Variants in SPIDR observed in about 807,000 individuals in gnomAD.
The protein encoded by SPIDR is DNA repair-scaffolding protein.
A neutral mutation model predicts 104.6 loss-of-function variants in SPIDR; 93 were observed. The ratio of observed to expected loss-of-function variants is 0.89; its 90% CI spans 0.75 to 1.06. The LOEUF is 1.06. Ranked by LOEUF, SPIDR falls within the 50% of genes least tolerant of loss-of-function variation. The pLI is 0.00. For missense variants in SPIDR, 1,154 were observed against 1,111.2 expected (o/e 1.04, Z -0.55); for synonymous variants, 431 against 416.9 (o/e 1.03, Z -0.41).
chr8:47,716,052 C>T (rs2082544601), intron 16 of SPIDR, among the ~76,000 whole-genome samples: 1 of 150,480 alleles, frequency 6.6e-6, no homozygotes, highest in Non-Finnish European at 1.5e-5. Context: ...GCAACCTCTG[C>T]CTACTGGGTT....
intron 16 of SPIDR, among the ~76,000 whole-genome samples, chr8:47,718,027 C>G (rs1563651286): frequency 2.6e-5 from 4 of 152,204 alleles, no homozygotes; most frequent in South Asian, 4.1e-4. Context: ...TGCACAGGTC[C>G]AAGCCCAGTG....
intron 8 of SPIDR, among the ~76,000 whole-genome samples, chr8:47,532,087 A>C (rs1465858495): frequency 1.2e-5 from 1 of 83,352 alleles, no homozygotes; most frequent in Admixed American, 1.5e-4. Context: ...TTTTTTTTTG[A>C]GACAGTGTTT....
At chr8:47,361,861 C>T (rs1554630311) in intron 5 of SPIDR, among the ~76,000 whole-genome samples, 1 of 152,156 alleles carries the variant, frequency 6.6e-6, no homozygotes, top group African/African-American at 2.4e-5. Flanking sequence ...AGAGAACAGG[C>T]CCTTCATGAT....
At chr8:47,670,122 T>A (rs1297876246) in intron 10 of SPIDR, among the ~76,000 whole-genome samples, 2 of 152,126 alleles carry the variant, frequency 1.3e-5, no homozygotes, top group African/African-American at 4.8e-5. Flanking sequence ...GGTTGTTCTC[T>A]AACAGAAGAG....
chr8:47,379,435 C>G (rs558474185), intron 5 of SPIDR, among the ~76,000 whole-genome samples: 2 of 152,142 alleles, frequency 1.3e-5, no homozygotes, highest in Middle Eastern at 3.4e-3. Flanking sequence ...TCCAGCTACT[C>G]GGGAGGCTGT....
chr8:47,308,951 C>T lies in SPIDR; in HGVS notation c.525+14921C>T, dbSNP rs984195083. Among the ~76,000 whole-genome samples, 29 of 152,326 alleles carry T rather than the reference C, an allele frequency of 1.9e-4. No individual in the cohort carries two copies. In the South Asian group the frequency reaches 2.5e-3, roughly 13 times the overall value. On this transcript the variant is annotated intron_variant, in intron 5 of 19. Transcript: ENST00000297423. ...ATTCAGGCCTTCCCCTGGACATTAA[C>T]AAGCCTTCAGTAGATTCCAGAGTTT...
rs2083392662 is a variant in SPIDR at position 47,721,527 on chromosome 8, AG to A, written c.2342-5672del. On this transcript the variant is annotated intron_variant, in intron 16 of 19. Transcript: ENST00000297423. ...TGCTCAGTTACCCAGGCTGGAGTGC[AG>A]TGGCACGATCTTGGCTCACTGCAAG... is the stretch of plus-strand genomic sequence containing the variant. Among the ~76,000 whole-genome samples the A allele has an allele frequency of 3.3e-5, 5 of 151,766 alleles. No homozygotes were observed. In the South Asian group the frequency reaches 1.0e-3, roughly 32 times the overall value.
rs189676551 is a variant in SPIDR at position 47,486,819 on chromosome 8, C to G, written c.1097+46277C>G. 9.2e-3 allele frequency among the ~76,000 whole-genome samples: 1,402 copies of G among 152,248 alleles called. 24 individuals carry two copies. Among genetic ancestry groups the G allele is most frequent in the African/African-American group, 0.031 (1,295 of 41,546 alleles). ...AAATGCTGAGAGATTTTGTCACCAC[C>G]AGGCCTGCCCTAAAAGAGCTCCTGA... On this transcript the variant is annotated intron_variant, in intron 8 of 19. Transcript: ENST00000297423.
At chr8:47,570,079 C>A (rs1371551996) in intron 8 of SPIDR, among the ~76,000 whole-genome samples, 1 of 152,100 alleles carries the variant, frequency 6.6e-6, no homozygotes, top group Non-Finnish European at 1.5e-5. Context: ...ACAAGATGAT[C>A]ATGGGAATTC....
chr8:47,613,995 A>G (rs1414189429), intron 10 of SPIDR, among the ~76,000 whole-genome samples: 2 of 151,982 alleles, frequency 1.3e-5, no homozygotes, highest in Admixed American at 6.6e-5. Context: ...TGCATTAGCT[A>G]TTTATCCTGA....
chr8:47,671,509 C>T (rs542696143), intron 10 of SPIDR, among the ~76,000 whole-genome samples: 33 of 151,758 alleles, frequency 2.2e-4, no homozygotes, highest in African/African-American at 7.0e-4. Context: ...CACTTGAACA[C>T]GGGAGATGGA....
chr8:47,633,220 C>G (rs1245138068), intron 10 of SPIDR, among the ~76,000 whole-genome samples: 2 of 152,134 alleles, frequency 1.3e-5, no homozygotes, highest in Admixed American at 1.3e-4. Flanking sequence ...TGTCTGTAAT[C>G]AGGAGTTAGG....
Position 47,304,857 on chromosome 8 carries a change from G to C in SPIDR, c.525+10827G>C, listed in dbSNP as rs1274943165. On this transcript the variant is annotated intron_variant, in intron 5 of 19. Coordinates refer to ENST00000297423, the MANE Select transcript of SPIDR (RefSeq NM_001080394.4). ...TTCCTGTATTAGGATTAGGCCATGA[G>C]GGCCTTGCCCTCATGAATAGATTAA... Among the ~76,000 whole-genome samples, 3 of 152,336 alleles carry C rather than the reference G, an allele frequency of 2.0e-5. No homozygotes were observed. The South Asian group carries it at 6.2e-4, about 32-fold the overall frequency.
At chr8:47,293,207 G>T (rs2040248408) in intron 4 of SPIDR, among the ~76,000 whole-genome samples, 1 of 151,486 alleles carries the variant, frequency 6.6e-6, no homozygotes, top group South Asian at 2.1e-4. Flanking sequence ...GCTCACCGCA[G>T]TTTCAAACTC....
chr8:47,513,816 T>C (rs1407276024), intron 8 of SPIDR, among the ~76,000 whole-genome samples: 2 of 152,222 alleles, frequency 1.3e-5, no homozygotes, highest in East Asian at 3.8e-4. Context: ...AGCTTTAAAA[T>C]GGCTACAAGT....
At chr8:47,304,066 C>A (rs2042714596) in intron 5 of SPIDR, among the ~76,000 whole-genome samples, 1 of 151,772 alleles carries the variant, frequency 6.6e-6, no homozygotes, top group African/African-American at 2.4e-5. Flanking sequence ...TTATTCTTGT[C>A]TGGGTTTTTA....
rs556434288 is a variant in SPIDR at position 47,735,291 on chromosome 8, C to A, written c.2605-16C>A. 3.7e-6 allele frequency: 6 copies of A among 1,613,398 alleles called. No individual in the cohort carries two copies. The East Asian group carries it at 6.7e-5, about 18-fold the overall frequency. On this transcript the variant is annotated splice_polypyrimidine_tract_variant and intron_variant, in intron 19 of 19. Transcript: ENST00000297423. ...CAGGCTGTTTGCTTTAACCAGCGTGCCTTTTATCACTGCAGAGCTACGAAG... is the reference window on the plus strand; with the variant it reads ...CAGGCTGTTTGCTTTAACCAGCGTGACTTTTATCACTGCAGAGCTACGAAG...
At chr8:47,305,160 C>T (rs1414302879) in intron 5 of SPIDR, among the ~76,000 whole-genome samples, 1 of 152,208 alleles carries the variant, frequency 6.6e-6, no homozygotes, top group Non-Finnish European at 1.5e-5. Flanking sequence ...GCAGCAGAGA[C>T]ATAGCAGTGA....
intron 8 of SPIDR, among the ~76,000 whole-genome samples, chr8:47,555,717 A>G (rs777617945): frequency 2.0e-4 from 30 of 152,132 alleles, no homozygotes; most frequent in Non-Finnish European, 3.8e-4. Flanking sequence ...TTCTGAATAC[A>G]TGGCCTGTAT....
Sources: allele counts gnomAD v4.1 joint callset (sites outside exome capture counted in the v4.1 genomes callset), GRCh38; gene constraint gnomAD v4.1.1; transcripts MANE v1.5; gene names NCBI Gene and HGNC (gene_info 2026-07-23, HGNC 2026-07-21).